Variants in ST6GAL1 observed in about 807,000 individuals in gnomAD.
ST6GAL1 encodes beta-galactoside alpha-2,6-sialyltransferase 1.
In ST6GAL1, 20 loss-of-function variants were observed where a neutral mutation model predicts 38.0. The ratio of observed to expected loss-of-function variants is 0.53; its 90% CI spans 0.37 to 0.77. The LOEUF is 0.77. Ranked by LOEUF, ST6GAL1 falls within the 30% of genes least tolerant of loss-of-function variation. The pLI, the probability that ST6GAL1 is intolerant of heterozygous loss-of-function variation, is 0.00. For synonymous variants in ST6GAL1, 196 were observed against 188.2 expected (o/e 1.04, Z -0.34); for missense variants, 432 against 496.4 (o/e 0.87, Z 1.23).
intron 2 of ST6GAL1, among the ~76,000 whole-genome samples, chr3:187,018,757 A>T (rs1294275949): frequency 2.6e-5 from 4 of 152,166 alleles, no homozygotes; most frequent in African/African-American, 9.7e-5. Flanking sequence ...TGCATCCTTC[A>T]ATCCAATCAA....
At chr3:187,027,711 T>G (rs965661888) in intron 2 of ST6GAL1, among the ~76,000 whole-genome samples, 4 of 152,092 alleles carry the variant, frequency 2.6e-5, no homozygotes, top group African/African-American at 9.7e-5. Flanking sequence ...AAACAGGTAT[T>G]GAGCTCAAAC....
intron 2 of ST6GAL1, among the ~76,000 whole-genome samples, chr3:186,964,537 A>C (rs1218237540): frequency 6.6e-6 from 1 of 152,160 alleles, no homozygotes; most frequent in Non-Finnish European, 1.5e-5. Context: ...GTATTCTATT[A>C]AGGTTACTCT....
intron 2 of ST6GAL1, among the ~76,000 whole-genome samples, chr3:187,003,891 G>C (rs1181342740): frequency 6.6e-6 from 1 of 152,154 alleles, no homozygotes; most frequent in African/African-American, 2.4e-5. Context: ...AGACAGAAGA[G>C]CTATTATTTC....
At position 187,058,446 on chromosome 3, in the gene ST6GAL1, A is replaced by G. The variant is rs1025788392; in HGVS notation, c.705+7100A>G. Among the ~76,000 whole-genome samples the G allele has an allele frequency of 9.2e-5, 14 of 152,190 alleles. 1 individual carries two copies. Among genetic ancestry groups the G allele is most frequent in the African/African-American group, 3.4e-4 (14 of 41,432 alleles). ...ATCATAAGAATATTTTTATAACGGG[A>G]TAGAAATTGAGGAACTTAACTTATT... On this transcript the variant is annotated intron_variant, in intron 5 of 7. Coordinates refer to ENST00000169298, the MANE Select transcript of ST6GAL1 (RefSeq NM_173216.2).
In ST6GAL1 at chr3:187,042,375, G is replaced by T. The variant is rs552502426; in HGVS notation, c.-50-279G>T. Among the ~76,000 whole-genome samples, 42 of 152,238 alleles carry T rather than the reference G, an allele frequency of 2.8e-4. No individual in the cohort carries two copies. In the South Asian group the frequency reaches 8.3e-3, roughly 30 times the overall value. Reference sequence around the variant, plus strand: ...GAAACTAATATTCAGCATAGAAAAAGTAATGATGGGAGGACATATAAAGTG... The same window carrying T: ...GAAACTAATATTCAGCATAGAAAAATTAATGATGGGAGGACATATAAAGTG... On this transcript the variant is annotated intron_variant, in intron 3 of 7. Transcript: ENST00000169298.
intron 4 of ST6GAL1, among the ~76,000 whole-genome samples, chr3:187,044,338 G>A (rs891108064): frequency 2.0e-5 from 3 of 152,126 alleles, no homozygotes; most frequent in South Asian, 4.1e-4. Flanking sequence ...GAGGTCATAC[G>A]TCTCCTTTTT....
chr3:187,021,293 G>A (rs990480847), intron 2 of ST6GAL1, among the ~76,000 whole-genome samples: 5 of 152,112 alleles, frequency 3.3e-5, no homozygotes, highest in Admixed American at 2.0e-4. Context: ...GTTTCCTGGC[G>A]CATAGCCCCA....
At chr3:186,941,737 G>T (rs535874466) in intron 1 of ST6GAL1, among the ~76,000 whole-genome samples, 1 of 152,272 alleles carries the variant, frequency 6.6e-6, no homozygotes, top group Non-Finnish European at 1.5e-5. Context: ...AGTAGGCTGG[G>T]CACGGTGGCT....
At chr3:187,065,819 A>C (rs995179265) in intron 5 of ST6GAL1, among the ~76,000 whole-genome samples, 1 of 152,348 alleles carries the variant, frequency 6.6e-6, no homozygotes, top group Admixed American at 6.5e-5. Context: ...TATTATATAT[A>C]CCATCTAAGG....
chr3:187,041,975 G>T (rs188392051), intron 3 of ST6GAL1: 1 of 152,026 alleles, frequency 6.6e-6, no homozygotes, highest in South Asian at 2.1e-4. Flanking sequence ...AGGTGAGTCA[G>T]CTTCCTGTCT....
chr3:186,998,098 T>G (rs901454938), intron 2 of ST6GAL1, among the ~76,000 whole-genome samples: 6 of 152,156 alleles, frequency 3.9e-5, no homozygotes, highest in Non-Finnish European at 7.3e-5. Flanking sequence ...AAAATTTAAT[T>G]GTTTAAAAAA....
At chr3:187,063,890 A>C (rs781446997) in intron 5 of ST6GAL1, among the ~76,000 whole-genome samples, 25 of 152,212 alleles carry the variant, frequency 1.6e-4, no homozygotes, top group Non-Finnish European at 3.7e-4. Flanking sequence ...ACACAGAAAT[A>C]TGAATAGTTA....
At chr3:187,028,608 A>G (rs1717627954) in intron 2 of ST6GAL1, among the ~76,000 whole-genome samples, 1 of 152,238 alleles carries the variant, frequency 6.6e-6, no homozygotes, top group Admixed American at 6.5e-5. Context: ...AAAATTAACA[A>G]TAATTTCTTA....
chr3:186,994,555 GAATA>G (rs1391808852), intron 2 of ST6GAL1, among the ~76,000 whole-genome samples: 3 of 152,132 alleles, frequency 2.0e-5, no homozygotes, highest in African/African-American at 7.2e-5. Context: ...TACTGCACAT[GAATA>G]GTCATACAAA....
intron 5 of ST6GAL1, among the ~76,000 whole-genome samples, chr3:187,062,680 TAG>T (rs1411172239): frequency 6.6e-6 from 1 of 151,942 alleles, no homozygotes; most frequent in African/African-American, 2.4e-5. Flanking sequence ...TTAATGAGTA[TAG>T]AGTTTCAATT....
At chr3:186,972,070 T>C (rs1715366947) in intron 2 of ST6GAL1, among the ~76,000 whole-genome samples, 1 of 152,200 alleles carries the variant, frequency 6.6e-6, no homozygotes, top group African/African-American at 2.4e-5. Context: ...TGTATATTAA[T>C]TCACTTAATC....
chr3:186,961,974 A>G (rs1024214837), intron 1 of ST6GAL1, among the ~76,000 whole-genome samples: 85 of 152,276 alleles, frequency 5.6e-4, no homozygotes, highest in African/African-American at 2.0e-3. Context: ...GTTTGCCTGT[A>G]AAGACCTCTT....
At chr3:186,971,809 A>G (rs1295874111) in intron 2 of ST6GAL1, among the ~76,000 whole-genome samples, 4 of 152,176 alleles carry the variant, frequency 2.6e-5, no homozygotes, top group African/African-American at 9.7e-5. Flanking sequence ...CCAGCGTGCC[A>G]ACATCTCTAC....
At chr3:187,066,576 T>C (rs763875627) in intron 5 of ST6GAL1, among the ~76,000 whole-genome samples, 14 of 150,010 alleles carry the variant, frequency 9.3e-5, no homozygotes, top group Admixed American at 2.0e-4. Flanking sequence ...TGCACAGTGG[T>C]AATATCTGAA....
Sources: allele counts gnomAD v4.1 joint callset (sites outside exome capture counted in the v4.1 genomes callset), GRCh38; gene constraint gnomAD v4.1.1; transcripts MANE v1.5; gene names NCBI Gene and HGNC (gene_info 2026-07-23, HGNC 2026-07-21).